The following CCDC82 variants were observed in gnomAD, a reference collection of about 807,000 sequenced individuals.
CCDC82 encodes the protein coiled-coil domain containing 82, also known as coiled-coil domain-containing protein 82.
A neutral mutation model predicts 60.6 loss-of-function variants in CCDC82; 47 were observed. The observed-to-expected ratio is 0.77, with a 90% CI of 0.61 to 0.99. The LOEUF is 0.99. Among genes scored for constraint, CCDC82 ranks in the 50% least tolerant of loss-of-function variants. The pLI is 0.00. For synonymous variants in CCDC82, 212 were observed against 207.4 expected (o/e 1.02, Z -0.19); for missense variants, 588 against 633.0 (o/e 0.93, Z 0.76).
Position 96,359,078 on chromosome 11 carries a change from AT to A in CCDC82, c.1480del (p.Met494Ter). On this transcript the variant is annotated frameshift_variant, in exon 9 of 10. Coordinates refer to ENST00000646818, the MANE Select transcript of CCDC82 (RefSeq NM_024725.4). LOFTEE classifies it high-confidence loss of function. ...TTGTTCATCTTCAACTTCTTCTGTC[AT>A]TGCAATGGTGCAACATTCCTGGTAT... ...KLYQECCTIA[M>X]TEEVEDEQVK... is the part of the protein sequence containing the mutation. 1 of 1,607,306 alleles carries A rather than the reference AT, an allele frequency of 6.2e-7. No homozygotes were observed. The highest frequency in any genetic ancestry group is 8.5e-7 in the Non-Finnish European group (1 of 1,178,360).
chr11:96,384,996 G>T (rs1866111040), intron 3 of CCDC82: 1 of 326,096 alleles, frequency 3.1e-6, no homozygotes, highest in Non-Finnish European at 5.5e-6. Flanking sequence ...TGCTGCAAGG[G>T]ATACATAGAA....
intron 5 of CCDC82, among the ~76,000 whole-genome samples, chr11:96,380,298 G>A (rs1865801803): frequency 6.6e-6 from 1 of 151,624 alleles, no homozygotes; most frequent in Non-Finnish European, 1.5e-5. Flanking sequence ...ACAAGTTGAG[G>A]AAAAAGAGTT....
chr11:96,359,642 T>TAAA (rs139619843), intron 8 of CCDC82, among the ~76,000 whole-genome samples: 47 of 81,342 alleles, frequency 5.8e-4, no homozygotes, highest in East Asian at 7.6e-4. Context: ...ATGGGCAAAG[T>TAAA]AAAAAAAAAA....
chr11:96,371,133 G>A lies in CCDC82; in HGVS notation c.1089C>T (p.Gly363=). ...CTTTTGCATATGATTTTTGCCTTGT[G>A]CCATCTGTTCAGGGGATAAACAACA... ...DESFLGTLYD[G]TRQKSYAKDM... is the part of the protein sequence containing the mutation. Residue 363 remains glycine (G), a synonymous_variant, in exon 7 of 10, where the codon GGC becomes GGT. Transcript: ENST00000646818. 1 of 1,586,286 alleles carries A rather than the reference G, an allele frequency of 6.3e-7. No individual in the cohort carries two copies. The highest frequency in any genetic ancestry group is 8.6e-7 in the Non-Finnish European group (1 of 1,167,172).
chr11:96,358,964 A>G (rs1431660527), intron 9 of CCDC82, 29 bp downstream of exon 9: 2 of 1,531,792 alleles, frequency 1.3e-6, no homozygotes, highest in African/African-American at 1.4e-5. Flanking sequence ...CAGAATCTAC[A>G]TGATAAGATT....
intron 9 of CCDC82, chr11:96,356,437 G>A: frequency 1.0e-6 from 1 of 985,100 alleles, no homozygotes; most frequent in Non-Finnish European, 1.2e-6. Context: ...AGTATGAATG[G>A]GCATCTGATA....
chr11:96,370,341 T>C (rs1453052219), intron 7 of CCDC82, among the ~76,000 whole-genome samples: 1 of 152,192 alleles, frequency 6.6e-6, no homozygotes, highest in Non-Finnish European at 1.5e-5. Context: ...ATATAGTACA[T>C]CCTCTGCTAT....
chr11:96,365,441 T>C (rs1864896355), intron 7 of CCDC82, among the ~76,000 whole-genome samples: 1 of 152,178 alleles, frequency 6.6e-6, no homozygotes, highest in African/African-American at 2.4e-5. Flanking sequence ...TTCTCATCTC[T>C]AGTTAGTGTT....
chr11:96,369,356 T>C (rs554036553), intron 7 of CCDC82, among the ~76,000 whole-genome samples: 5 of 152,390 alleles, frequency 3.3e-5, no homozygotes, highest in African/African-American at 9.6e-5. Context: ...TCTGAACTTT[T>C]GACATGCTTT....
chr11:96,365,714 T>C (rs1434543016), intron 7 of CCDC82, among the ~76,000 whole-genome samples: 1 of 152,246 alleles, frequency 6.6e-6, no homozygotes, highest in Non-Finnish European at 1.5e-5. Flanking sequence ...CAGTTATCAA[T>C]GAGTAAACAA....
intron 8 of CCDC82, among the ~76,000 whole-genome samples, chr11:96,361,001 A>C (rs1431866362): frequency 1.3e-5 from 2 of 152,266 alleles, no homozygotes; most frequent in East Asian, 1.9e-4. Flanking sequence ...ATTATTGTAC[A>C]TGGCTTATTA....
chr11:96,356,611 A>G, intron 9 of CCDC82: 1 of 976,946 alleles, frequency 1.0e-6, no homozygotes, highest in Non-Finnish European at 1.2e-6. Context: ...AGAGTATGTT[A>G]TTGAACTCTT....
intron 2 of CCDC82, chr11:96,387,054 G>C (rs970805250): frequency 1.3e-5 from 2 of 152,222 alleles, no homozygotes; most frequent in African/African-American, 4.8e-5. Flanking sequence ...CGTAAGCTAA[G>C]TGTGCATATG....
chr11:96,373,301 T>C lies in CCDC82; in HGVS notation c.1084+74A>G, dbSNP rs556730768. On this transcript the variant is annotated intron_variant, in intron 6 of 9. Coordinates refer to ENST00000646818, the MANE Select transcript of CCDC82 (RefSeq NM_024725.4). ...CATTGGTTTTGTTTAATCTACATAG[T>C]TTTAAAAGTGAGGTTGTTTTAAAAT... The C allele has an allele frequency of 3.7e-4, 344 of 925,986 alleles. No homozygotes were observed. In the African/African-American group the frequency reaches 5.1e-3, roughly 14 times the overall value. 57.4% of individuals were successfully genotyped at this position (925,986 alleles called of 1,614,324 possible).
intron 7 of CCDC82, among the ~76,000 whole-genome samples, chr11:96,368,685 C>T (rs1213793659): frequency 2.0e-5 from 3 of 151,730 alleles, no homozygotes; most frequent in Admixed American, 6.6e-5. Flanking sequence ...GATAAGATGG[C>T]GAAACCCCGT....
At chr11:96,356,064 C>T (rs1864331774) in intron 9 of CCDC82, 1 of 152,142 alleles carries the variant, frequency 6.6e-6, no homozygotes, top group Non-Finnish European at 1.5e-5. Flanking sequence ...TAGCAGTGAT[C>T]CTCAAACTTT....
At position 96,358,502 on chromosome 11, in the gene CCDC82, T is replaced by C. The variant is rs546354576; in HGVS notation, c.1566+491A>G. ...TCCCCTCGATCTTCAGTTACAGTGC[T>C]CACTGCTCAGTCCCATGTCCTCAAG... On this transcript the variant is annotated intron_variant, in intron 9 of 9. Transcript: ENST00000646818. The C allele has an allele frequency of 5.8e-5, 71 of 1,231,916 alleles. No individual in the cohort carries two copies. In the South Asian group the frequency reaches 2.2e-3, roughly 39 times the overall value. 76.3% of individuals were successfully genotyped at this position (1,231,916 alleles called of 1,614,324 possible). A position where few individuals can be genotyped will look rare whatever the true frequency, so the allele number is the denominator to read the frequency against.
intron 9 of CCDC82, chr11:96,354,803 A>T (rs1267451649): frequency 6.6e-6 from 1 of 152,150 alleles, no homozygotes; most frequent in African/African-American, 2.4e-5. Flanking sequence ...TATTTCAGTG[A>T]GGGGATTAAT....
intron 9 of CCDC82, chr11:96,356,972 A>G: frequency 1.0e-6 from 1 of 985,506 alleles, no homozygotes; most frequent in Non-Finnish European, 1.2e-6. Context: ...TAAATGGGAA[A>G]TATGAGCGGA....
Sources: allele counts gnomAD v4.1 joint callset (sites outside exome capture counted in the v4.1 genomes callset), GRCh38; gene constraint gnomAD v4.1.1; transcripts MANE v1.5; gene names NCBI Gene and HGNC (gene_info 2026-07-23, HGNC 2026-07-21).